SLC17A5: variants seen among roughly 807,000 people sequenced by gnomAD.
The protein encoded by SLC17A5 is solute carrier family 17 member 5.
In SLC17A5, 47 loss-of-function variants were observed where a neutral mutation model predicts 59.4. That is an observed-to-expected ratio of 0.79 (90% CI 0.63 to 1.01). SLC17A5 has a LOEUF of 1.01. SLC17A5 is among the 50% of genes least tolerant of loss of function. The pLI is 0.00. For synonymous variants in SLC17A5, 202 were observed against 210.7 expected (o/e 0.96, Z 0.36); for missense variants, 522 against 595.5 (o/e 0.88, Z 1.28).
In SLC17A5 at chr6:73,650,214, AAG is replaced by A. The variant is rs1491005471; in HGVS notation, c.94+3577_94+3578del. Among the ~76,000 whole-genome samples the A allele has an allele frequency of 7.6e-3, 211 of 27,876 alleles. 11 individuals are homozygous for A. The highest frequency in any genetic ancestry group is 0.017 in the Middle Eastern group (1 of 60). The allele number at this position is 27,876 out of a possible 152,430, so 18.3% of individuals were successfully genotyped here. On this transcript the variant is annotated intron_variant, in intron 1 of 10. Transcript: ENST00000355773. ...TTTTTCTACAAAAAAAAAAAAAAAA[AAG>A]AAAGAAAAAAAGGCCGGGCACGGTG...
intron 10 of SLC17A5, among the ~76,000 whole-genome samples, chr6:73,597,792 G>C (rs994831060): frequency 2.0e-5 from 3 of 151,712 alleles, no homozygotes; most frequent in African/African-American, 4.8e-5. Flanking sequence ...AAAAAACAAA[G>C]AAACAAACAA....
At chr6:73,618,623 A>G in intron 7 of SLC17A5, 2 of 440,714 alleles carry the variant, frequency 4.5e-6, no homozygotes, top group South Asian at 4.2e-5. Flanking sequence ...AGATGAGTGG[A>G]AAACCATCTC....
chr6:73,623,444 C>G (rs1241824410), intron 6 of SLC17A5, among the ~76,000 whole-genome samples: 1 of 151,810 alleles, frequency 6.6e-6, no homozygotes, highest in Non-Finnish European at 1.5e-5. Flanking sequence ...CAAGCAATCT[C>G]CGGCCTCAGC....
chr6:73,600,535 G>A (rs138848217), intron 9 of SLC17A5, 94 bp from the exon 10 acceptor site: 11 of 959,568 alleles, frequency 1.1e-5, no homozygotes, highest in Middle Eastern at 2.1e-4. Context: ...TTGAGACAGA[G>A]TCTCACTCTG....
chr6:73,647,560 T>C (rs1268341788), intron 1 of SLC17A5, among the ~76,000 whole-genome samples: 3 of 152,364 alleles, frequency 2.0e-5, no homozygotes, highest in East Asian at 1.9e-4. Flanking sequence ...TTTGCAGTTA[T>C]CTTATTTTAC....
chr6:73,618,661 A>T (rs673511), intron 7 of SLC17A5: 44,783 of 322,478 alleles, frequency 0.14, 4,580 homozygotes, highest in African/African-American at 0.35. Context: ...TAAAAGATTT[A>T]AAAAAATGAG....
rs754874408 is a variant in SLC17A5 at position 73,621,919 on chromosome 6, G to A, written c.863C>T (p.Ser288Phe). Reference protein sequence around the residue: ...KSVPWVPILKSLPLWAIVVAH... With the variant: ...KSVPWVPILKFLPLWAIVVAH... ...AACTACGATAGCCCAAAGTGGCAGGGATTTTAAAATGGGTACCCACGGCAC... is the reference window on the plus strand; with the variant it reads ...AACTACGATAGCCCAAAGTGGCAGGAATTTTAAAATGGGTACCCACGGCAC... Residue 288 changes from serine (S) to phenylalanine (F), a missense_variant, in exon 7 of 11, where the codon TCC (serine) becomes TTC (phenylalanine). By Grantham distance (155) the Ser-to-Phe change is radical. This residue lies in a region of SLC17A5 where 338 missense variants were observed against 363.8 expected (regional missense o/e 0.93). Coordinates refer to ENST00000355773, the MANE Select transcript of SLC17A5 (RefSeq NM_012434.5). The A allele has an allele frequency of 6.2e-7, 1 of 1,613,906 alleles. No homozygotes were observed. The highest frequency in any genetic ancestry group is 1.3e-5 in the African/African-American group (1 of 74,920).
At chr6:73,600,240 A>C in intron 10 of SLC17A5, 111 bp downstream of exon 10, 1 of 866,448 alleles carries the variant, frequency 1.2e-6, no homozygotes, top group Non-Finnish European at 1.9e-6. Context: ...GTTGCTAAAA[A>C]GAATTTCATA....
intron 8 of SLC17A5, among the ~76,000 whole-genome samples, chr6:73,611,454 A>G (rs1386612364): frequency 6.6e-6 from 1 of 151,938 alleles, no homozygotes; most frequent in African/African-American, 2.4e-5. Context: ...TAATTTTTGT[A>G]TTTTTAGTAG....
intron 1 of SLC17A5, among the ~76,000 whole-genome samples, chr6:73,647,895 C>T (rs1282215416): frequency 3.9e-5 from 6 of 152,058 alleles, no homozygotes; most frequent in African/African-American, 1.2e-4. Flanking sequence ...AAGGTGAAAC[C>T]CCGTCTCTAC....
chr6:73,611,079 C>A (rs956836622), intron 8 of SLC17A5, among the ~76,000 whole-genome samples: 1 of 151,892 alleles, frequency 6.6e-6, no homozygotes, highest in African/African-American at 2.4e-5. Flanking sequence ...CCTGTCTCTA[C>A]GAAATATTAA....
In SLC17A5 at chr6:73,621,622, T is replaced by C. The variant is rs609829; in HGVS notation, c.978+182A>G. ...AGATGTTTGATTTATAAATGCTTTC[T>C]CCCATTCAGTGGGTTGTTTTTCATT... On this transcript the variant is annotated intron_variant, in intron 7 of 10. Coordinates refer to ENST00000355773, the MANE Select transcript of SLC17A5 (RefSeq NM_012434.5). Among the ~76,000 whole-genome samples the C allele has an allele frequency of 0.16, 24,625 of 152,206 alleles. 3,053 individuals carry two copies. Among genetic ancestry groups the C allele is most frequent in the African/African-American group, 0.34 (14,128 of 41,476 alleles).
intron 9 of SLC17A5, among the ~76,000 whole-genome samples, chr6:73,601,516 G>C (rs1357103422): frequency 1.7e-5 from 2 of 118,238 alleles, no homozygotes; most frequent in East Asian, 2.3e-4. Context: ...AGGTGGGGGG[G>C]TCAGCCCCCC....
Position 73,610,074 on chromosome 6 carries a change from C to T in SLC17A5, c.1259+326G>A, listed in dbSNP as rs1767578912. ...TTTAGATGGAGTCTTGCTCTTGTTGCCCAGGCTGAAGTGCAATGATGCGAT... is the reference window on the plus strand; with the variant it reads ...TTTAGATGGAGTCTTGCTCTTGTTGTCCAGGCTGAAGTGCAATGATGCGAT... On this transcript the variant is annotated intron_variant, in intron 9 of 10. Transcript: ENST00000355773. Among the ~76,000 whole-genome samples the T allele has an allele frequency of 2.6e-5, 4 of 151,680 alleles. No homozygotes were observed. In the South Asian group the frequency reaches 8.3e-4, roughly 31 times the overall value.
intron 1 of SLC17A5, chr6:73,645,584 C>A: frequency 1.7e-6 from 1 of 601,306 alleles, no homozygotes; most frequent in Middle Eastern, 8.2e-4. Flanking sequence ...GTCAGGAGAT[C>A]GAGACCATCC....
intron 3 of SLC17A5, 146 bp downstream of exon 3, chr6:73,641,545 C>G (rs148125948): frequency 3.1e-6 from 2 of 635,788 alleles, no homozygotes; most frequent in Non-Finnish European, 5.4e-6. Context: ...AGGTAATTTT[C>G]TAGTTAGTCC....
intron 6 of SLC17A5, among the ~76,000 whole-genome samples, chr6:73,632,240 A>G (rs962660063): frequency 7.1e-6 from 1 of 141,782 alleles, no homozygotes; most frequent in Non-Finnish European, 1.5e-5. Flanking sequence ...TTGAGGCTGC[A>G]CTGAGCTGTG....
At chr6:73,652,741 G>A (rs935970324) in intron 1 of SLC17A5, among the ~76,000 whole-genome samples, 1 of 31,462 alleles carries the variant, frequency 3.2e-5, no homozygotes, top group African/African-American at 6.9e-5. Context: ...ATAAGCTCCC[G>A]GCTGCCAGAT....
At chr6:73,644,757 C>A (rs1266496835) in intron 1 of SLC17A5, among the ~76,000 whole-genome samples, 154 bp from the exon 2 acceptor site, 6 of 152,146 alleles carry the variant, frequency 3.9e-5, no homozygotes, top group Non-Finnish European at 7.3e-5. Context: ...TAGGCATTGG[C>A]CACCATACCC....
Sources: allele counts gnomAD v4.1 joint callset (sites outside exome capture counted in the v4.1 genomes callset), GRCh38; gene constraint gnomAD v4.1.1; regional missense constraint gnomAD v4.1.1; transcripts MANE v1.5; gene names NCBI Gene and HGNC (gene_info 2026-07-23, HGNC 2026-07-21).